Variants in RBFOX1 observed in about 807,000 individuals in gnomAD.
The protein encoded by RBFOX1 is RNA binding fox-1 homolog 1, also known as RNA binding protein fox-1 homolog 1.
Under a neutral mutation model 57.7 loss-of-function variants are expected in RBFOX1, and 8 were observed. The ratio of observed to expected loss-of-function variants is 0.14; its 90% CI spans 0.08 to 0.25. The LOEUF (loss-of-function observed/expected upper bound fraction) is 0.25. Among genes scored for constraint, RBFOX1 ranks in the 10% least tolerant of loss-of-function variants. The pLI, the probability that RBFOX1 is intolerant of heterozygous loss-of-function variation, is 1.00. For missense variants in RBFOX1, 611 were observed against 548.5 expected (o/e 1.11, Z -1.14); for synonymous variants, 326 against 222.4 (o/e 1.47, Z -4.15).
chr16:6,279,358 C>G (rs1401471103), intron 1 of RBFOX1, among the ~76,000 whole-genome samples: 1 of 152,090 alleles, frequency 6.6e-6, no homozygotes, highest in Non-Finnish European at 1.5e-5. Context: ...TGGTGAAAAC[C>G]CTTTCTGCCT....
intron 1 of RBFOX1, among the ~76,000 whole-genome samples, chr16:5,462,434 C>T (rs2068821492): frequency 6.6e-6 from 1 of 152,088 alleles, no homozygotes; most frequent in African/African-American, 2.4e-5. Context: ...TCCCAAAGTG[C>T]TGGGATTACA....
At chr16:6,616,450 G>C (rs1288191891) in intron 2 of RBFOX1, among the ~76,000 whole-genome samples, 1 of 152,048 alleles carries the variant, frequency 6.6e-6, no homozygotes, top group Non-Finnish European at 1.5e-5. Context: ...GCCGAGGCGG[G>C]TGGATCACGA....
intron 1 of RBFOX1, among the ~76,000 whole-genome samples, chr16:5,253,225 C>G (rs2062499984): frequency 6.6e-6 from 1 of 151,998 alleles, no homozygotes; most frequent in Non-Finnish European, 1.5e-5. Flanking sequence ...TCTCGGTTCA[C>G]TGCAGTCTCT....
chr16:6,583,068 C>T (rs185797607), intron 2 of RBFOX1, among the ~76,000 whole-genome samples: 4 of 151,842 alleles, frequency 2.6e-5, no homozygotes, highest in African/African-American at 9.7e-5. Flanking sequence ...GTGTTCACTC[C>T]ATTCTCAGGT....
At chr16:5,341,482 C>A (rs2065031248) in intron 1 of RBFOX1, among the ~76,000 whole-genome samples, 1 of 152,058 alleles carries the variant, frequency 6.6e-6, no homozygotes, top group Non-Finnish European at 1.5e-5. Flanking sequence ...AGAGTTGGAG[C>A]TGACAGGACT....
At chr16:5,720,386 T>G (rs926835186) in intron 3 of RBFOX1, among the ~76,000 whole-genome samples, 5 of 152,252 alleles carry the variant, frequency 3.3e-5, no homozygotes, top group African/African-American at 1.2e-4. Flanking sequence ...TTGCCATTGC[T>G]ATTATTAGCT....
At chr16:6,582,792 C>G (rs1002957875) in intron 2 of RBFOX1, among the ~76,000 whole-genome samples, 7 of 150,992 alleles carry the variant, frequency 4.6e-5, no homozygotes, top group African/African-American at 1.7e-4. Context: ...CCTTCCCTCC[C>G]CTTTCCTAGC....
chr16:7,531,223 C>T (rs2079988112), intron 5 of RBFOX1, among the ~76,000 whole-genome samples: 2 of 152,100 alleles, frequency 1.3e-5, no homozygotes, highest in African/African-American at 4.8e-5. Context: ...AATGTAAATG[C>T]CCATTCTGAT....
At chr16:6,843,813 C>G (rs554744667) in intron 3 of RBFOX1, among the ~76,000 whole-genome samples, 3 of 152,082 alleles carry the variant, frequency 2.0e-5, no homozygotes, top group African/African-American at 4.8e-5. Flanking sequence ...ATAACAAAAA[C>G]AAGATTTGAC....
In RBFOX1 at chr16:6,179,724, C is replaced by A. The variant is rs143858302; in HGVS notation, c.-126-137271C>A. Among the ~76,000 whole-genome samples the A allele has an allele frequency of 4.5e-3, 686 of 152,268 alleles. 9 individuals carry two copies. Among genetic ancestry groups the A allele is most frequent in the Non-Finnish European group, 3.3e-3 (226 of 68,022 alleles). Reference sequence around the variant, plus strand: ...GTTGTTATTGTTAATATTTATACATCTATTGGTATAAGGAAAATTAGGCCA... The same window carrying A: ...GTTGTTATTGTTAATATTTATACATATATTGGTATAAGGAAAATTAGGCCA... On this transcript the variant is annotated intron_variant, in intron 1 of 15. Transcript: ENST00000550418.
intron 3 of RBFOX1, among the ~76,000 whole-genome samples, chr16:7,006,112 C>G (rs994040662): frequency 2.6e-5 from 4 of 152,080 alleles, no homozygotes; most frequent in African/African-American, 7.2e-5. Flanking sequence ...ATTTAAACAT[C>G]TTTGGCTAGA....
At chr16:7,158,999 G>C (rs890244613) in intron 4 of RBFOX1, among the ~76,000 whole-genome samples, 1 of 152,008 alleles carries the variant, frequency 6.6e-6, no homozygotes, top group African/African-American at 2.4e-5. Context: ...GGATCCCTCA[G>C]ATTCCCCCCA....
At position 7,054,233 on chromosome 16, in the gene RBFOX1, C is replaced by CTTT. The variant is rs34402387; in HGVS notation, c.27+2159_27+2161dup. On this transcript the variant is annotated intron_variant, in intron 4 of 15. Transcript: ENST00000550418. ...TTTTTCGGGGGGGGGGGGCGGGGAG[C>CTTT]TTTTTTTTTTTTTTTTTTTTTTTTT... Among the ~76,000 whole-genome samples, 3 of 5,130 alleles carry CTTT rather than the reference C, an allele frequency of 5.8e-4. 1 individual carries two copies. Among genetic ancestry groups the CTTT allele is most frequent in the African/African-American group, 3.2e-3 (3 of 938 alleles). 3.4% of individuals were successfully genotyped at this position (5,130 alleles called of 152,430 possible).
intron 3 of RBFOX1, among the ~76,000 whole-genome samples, chr16:6,894,759 T>C (rs1235558793): frequency 2.0e-5 from 3 of 152,208 alleles, no homozygotes; most frequent in Non-Finnish European, 4.4e-5. Context: ...TAGTTCATTT[T>C]TTTCTATTAT....
chr16:7,535,052 G>A (rs1045818192), intron 5 of RBFOX1, among the ~76,000 whole-genome samples: 23 of 152,154 alleles, frequency 1.5e-4, no homozygotes, highest in African/African-American at 4.3e-4. Flanking sequence ...AGTATAATAG[G>A]AGCATAACTA....
intron 4 of RBFOX1, among the ~76,000 whole-genome samples, chr16:7,219,482 C>T (rs981934213): frequency 6.6e-6 from 1 of 152,198 alleles, no homozygotes; most frequent in Non-Finnish European, 1.5e-5. Context: ...ATAAATGCAT[C>T]TTTCCCTGAA....
intron 5 of RBFOX1, among the ~76,000 whole-genome samples, chr16:7,537,246 A>C (rs768096264): frequency 4.6e-5 from 7 of 152,212 alleles, no homozygotes; most frequent in Non-Finnish European, 7.3e-5. Context: ...GGTCTGGAAC[A>C]TGGGTTGGAG....
chr16:6,158,301 C>T (rs1008413229), intron 1 of RBFOX1, among the ~76,000 whole-genome samples: 1 of 152,126 alleles, frequency 6.6e-6, no homozygotes. Context: ...AGGCGATGCA[C>T]CTACAGCAAT....
intron 4 of RBFOX1, among the ~76,000 whole-genome samples, chr16:7,376,871 C>T (rs1332489350): frequency 2.0e-5 from 3 of 152,058 alleles, no homozygotes; most frequent in Admixed American, 1.3e-4. Context: ...CATAAAACTT[C>T]CCTACCAGTG....
Sources: gnomAD v4.1 joint callset for allele counts (sites outside exome capture counted in the v4.1 genomes callset) on GRCh38, gnomAD v4.1.1 for gene constraint, MANE v1.5 for transcripts, NCBI Gene and HGNC (gene_info 2026-07-23, HGNC 2026-07-21) for gene names.